AP4S1: variants seen among roughly 807,000 people sequenced by gnomAD.
AP4S1 encodes AP-4 complex subunit sigma-1.
A neutral mutation model predicts 19.8 loss-of-function variants in AP4S1; 23 were observed. That is an observed-to-expected ratio of 1.16 (90% CI 0.84 to 1.65). AP4S1 has a LOEUF of 1.65. AP4S1 is among the 40% of genes most tolerant of loss of function. AP4S1 has a pLI of 0.00. For synonymous variants in AP4S1, 46 were observed against 54.1 expected (o/e 0.85, Z 0.66); for missense variants, 166 against 172.8 (o/e 0.96, Z 0.22).
chr14:31,063,894 G>C (rs181091194), intron 1 of AP4S1, among the ~76,000 whole-genome samples: 9 of 152,236 alleles, frequency 5.9e-5, no homozygotes, highest in Admixed American at 5.9e-4. Context: ...AAATGTTAAA[G>C]TTCATTTAAG....
intron 5 of AP4S1, chr14:31,085,449 A>G (rs1887879251): frequency 2.0e-6 from 2 of 986,114 alleles, no homozygotes; most frequent in South Asian, 9.4e-5. Context: ...CCACAAATAT[A>G]GGCTAGAATC....
rs1474977271 is a variant in AP4S1 at position 31,054,939 on chromosome 14, T to C, written c.-71-11187T>C. Among the ~76,000 whole-genome samples, 25 of 146,560 alleles carry C rather than the reference T, an allele frequency of 1.7e-4. 1 individual carries two copies. The Admixed American group carries it at 1.7e-3, about 10-fold the overall frequency. On this transcript the variant is annotated intron_variant, in intron 1 of 5. Coordinates refer to ENST00000542754, the MANE Select transcript of AP4S1 (RefSeq NM_001128126.3). ...GATAGTATGTGCCTTTGACATGATA[T>C]GATGCAAATGGCACTTTACCTCTGT...
At chr14:31,089,063 G>C (rs1289016699) in intron 5 of AP4S1, among the ~76,000 whole-genome samples, 2 of 151,576 alleles carry the variant, frequency 1.3e-5, no homozygotes, top group Non-Finnish European at 2.9e-5. Context: ...GGGAGGCTGA[G>C]GTGGGAGGAT....
intron 1 of AP4S1, among the ~76,000 whole-genome samples, chr14:31,035,856 G>A (rs908513534): frequency 6.6e-5 from 10 of 150,914 alleles, no homozygotes; most frequent in Non-Finnish European, 1.0e-4. Context: ...CAGCCTTCCC[G>A]AGTAGCTGGG....
chr14:31,037,288 G>A (rs1289387153), intron 1 of AP4S1, among the ~76,000 whole-genome samples: 1 of 150,932 alleles, frequency 6.6e-6, no homozygotes, highest in Non-Finnish European at 1.5e-5. Context: ...CCTAAAAAAC[G>A]TTCCAGGGGA....
chr14:31,081,014 A>T (rs2139099883), intron 5 of AP4S1, among the ~76,000 whole-genome samples: 1 of 151,290 alleles, frequency 6.6e-6, no homozygotes, highest in African/African-American at 2.4e-5. Context: ...CTGGTCTTGA[A>T]CTCCTGGCCT....
At chr14:31,084,787 C>G (rs1566546569) in intron 5 of AP4S1, 1 of 1,613,964 alleles carries the variant, frequency 6.2e-7, no homozygotes, top group African/African-American at 1.3e-5. Flanking sequence ...TGATGAACTT[C>G]CCAAAATATG....
chr14:31,035,574 G>T (rs1358635457), intron 1 of AP4S1, among the ~76,000 whole-genome samples: 2 of 150,396 alleles, frequency 1.3e-5, no homozygotes, highest in African/African-American at 4.9e-5. Flanking sequence ...AAAAAAAGAT[G>T]GTAATTCCAA....
intron 4 of AP4S1, chr14:31,073,186 A>G (rs1319812925): frequency 4.3e-5 from 8 of 186,666 alleles, no homozygotes; most frequent in South Asian, 1.2e-4. Flanking sequence ...AAAGAACTGG[A>G]AAAAAAAAAA....
chr14:31,080,454 A>C (rs1887577733), intron 4 of AP4S1, 119 bp from the exon 5 acceptor site: 6 of 815,192 alleles, frequency 7.4e-6, no homozygotes, highest in Non-Finnish European at 1.2e-5. Flanking sequence ...CACCAAGCCC[A>C]GAAGCAGGTA....
intron 1 of AP4S1, among the ~76,000 whole-genome samples, chr14:31,030,083 C>T (rs922838089): frequency 3.3e-5 from 5 of 151,968 alleles, no homozygotes; most frequent in Non-Finnish European, 5.9e-5. Context: ...CCAGCTCAAG[C>T]GATCCTCCCA....
intron 1 of AP4S1, among the ~76,000 whole-genome samples, chr14:31,032,283 G>A (rs1019528824): frequency 6.6e-6 from 1 of 152,096 alleles, no homozygotes. Flanking sequence ...TAAATAGGGT[G>A]TCTAATCTTG....
intron 3 of AP4S1, 46 bp downstream of exon 3, chr14:31,069,975 A>C: frequency 6.9e-7 from 1 of 1,455,094 alleles, no homozygotes; most frequent in Non-Finnish European, 9.7e-7. Context: ...ATTTCTTTCT[A>C]CTTGCCTCCC....
At chr14:31,042,282 C>G (rs61976821) in intron 1 of AP4S1, among the ~76,000 whole-genome samples, 8,106 of 152,232 alleles carry the variant, frequency 0.053, 280 homozygotes, top group African/African-American at 0.088. Context: ...TTGCGACTAG[C>G]TTTTCTGTCC....
At chr14:31,069,976 C>T (rs1200945802) in intron 3 of AP4S1, 47 bp downstream of exon 3, 2 of 1,448,954 alleles carry the variant, frequency 1.4e-6, no homozygotes, top group East Asian at 4.5e-5. Context: ...TTTCTTTCTA[C>T]TTGCCTCCCT....
chr14:31,033,465 G>A (rs1368854097), intron 1 of AP4S1, among the ~76,000 whole-genome samples: 1 of 151,958 alleles, frequency 6.6e-6, no homozygotes, highest in African/African-American at 2.4e-5. Flanking sequence ...ACCCGCCTCA[G>A]CCTCCCAAAG....
intron 1 of AP4S1, chr14:31,026,564 GC>G (rs1406823832): frequency 1.1e-5 from 2 of 181,032 alleles, no homozygotes; most frequent in African/African-American, 4.7e-5. Context: ...TGAGAACGCA[GC>G]CCGGGTCGCC....
intron 1 of AP4S1, among the ~76,000 whole-genome samples, chr14:31,036,252 C>A (rs1160017803): frequency 6.6e-6 from 1 of 151,406 alleles, no homozygotes; most frequent in Non-Finnish European, 1.5e-5. Flanking sequence ...AAAGAAAAAA[C>A]TAATAATCTA....
chr14:31,076,192 G>A (rs1303501137), intron 4 of AP4S1, among the ~76,000 whole-genome samples: 1 of 152,218 alleles, frequency 6.6e-6, no homozygotes, highest in East Asian at 1.9e-4. Flanking sequence ...GGAGCAGAAT[G>A]TGGTAACTCC....
Sources: gnomAD v4.1 joint callset for allele counts (sites outside exome capture counted in the v4.1 genomes callset) on GRCh38, gnomAD v4.1.1 for gene constraint, MANE v1.5 for transcripts, NCBI Gene and HGNC (gene_info 2026-07-23, HGNC 2026-07-21) for gene names.